Variants in ADAM7 observed in about 807,000 individuals in gnomAD.
ADAM7 encodes the protein ADAM metallopeptidase domain 7, also known as disintegrin and metalloproteinase domain-containing protein 7.
ADAM7 carries 97 observed loss-of-function variants against 102.9 expected under a neutral mutation model. The ratio of observed to expected loss-of-function variants is 0.94; its 90% CI spans 0.80 to 1.12. The LOEUF is 1.12. Among genes scored for constraint, ADAM7 ranks in the 50% most tolerant of loss-of-function variants. ADAM7 has a pLI of 0.00. For synonymous variants in ADAM7, 334 were observed against 304.4 expected (o/e 1.10, Z -1.01); for missense variants, 991 against 908.7 (o/e 1.09, Z -1.16).
intron 7 of ADAM7, among the ~76,000 whole-genome samples, chr8:24,475,476 C>G (rs1819736963): frequency 6.6e-6 from 1 of 151,756 alleles, no homozygotes; most frequent in African/African-American, 2.4e-5. Context: ...GAGAAGATGA[C>G]CAGAAAGGAA....
intron 16 of ADAM7, 56 bp from the exon 17 acceptor site, chr8:24,499,180 C>A (rs1820660972): frequency 2.2e-6 from 3 of 1,372,682 alleles, no homozygotes; most frequent in Middle Eastern, 1.9e-4. Context: ...CATGAAATTA[C>A]AATTTCACAT....
At chr8:24,500,704 G>C in intron 18 of ADAM7, 86 bp from the exon 19 acceptor site, 1 of 1,045,508 alleles carries the variant, frequency 9.6e-7, no homozygotes, top group Non-Finnish European at 1.4e-6. Flanking sequence ...GGAATAAGGA[G>C]CATTGTAACA....
At chr8:24,472,943 A>G (rs895752020) in intron 7 of ADAM7, among the ~76,000 whole-genome samples, 1 of 152,096 alleles carries the variant, frequency 6.6e-6, no homozygotes, top group East Asian at 1.9e-4. Flanking sequence ...TATTAAAAAT[A>G]TATGAAGAAC....
chr8:24,447,043 T>G (rs956525061), intron 2 of ADAM7, 143 bp from the exon 3 acceptor site: 2 of 441,084 alleles, frequency 4.5e-6, no homozygotes, highest in African/African-American at 4.0e-5. Flanking sequence ...CTCTTTCAAT[T>G]CATCTTTATC....
At chr8:24,465,009 T>A (rs1038151090) in intron 4 of ADAM7, among the ~76,000 whole-genome samples, 13 of 152,200 alleles carry the variant, frequency 8.5e-5, no homozygotes, top group African/African-American at 3.1e-4. Context: ...ATGGTCTCGA[T>A]CTCTTGACCT....
chr8:24,460,896 G>T (rs1319447244), intron 3 of ADAM7, among the ~76,000 whole-genome samples: 1 of 151,570 alleles, frequency 6.6e-6, no homozygotes, highest in African/African-American at 2.4e-5. Flanking sequence ...TTTGTTACAG[G>T]TTCAGTTTTT....
intron 2 of ADAM7, among the ~76,000 whole-genome samples, chr8:24,446,426 G>C (rs979540299): frequency 1.3e-5 from 2 of 152,054 alleles, no homozygotes; most frequent in Admixed American, 6.6e-5. Context: ...TTGATGGTGA[G>C]GTTCTAAACA....
intron 16 of ADAM7, 106 bp downstream of exon 16, chr8:24,493,335 A>G: frequency 1.0e-6 from 1 of 968,694 alleles, no homozygotes; most frequent in Admixed American, 3.7e-5. Flanking sequence ...TGGAAAAGGA[A>G]AAAATATTGA....
chr8:24,506,269 A>T (rs1820947998), intron 20 of ADAM7: 2 of 844,446 alleles, frequency 2.4e-6, no homozygotes, highest in Non-Finnish European at 3.7e-6. Context: ...TATAACATCG[A>T]TAGCTCTCTG....
chr8:24,467,213 A>T, intron 6 of ADAM7: 1 of 576,488 alleles, frequency 1.7e-6, no homozygotes. Context: ...CTACAATTCT[A>T]TGTATAGATT....
At chr8:24,497,433 C>A (rs1820597375) in intron 16 of ADAM7, among the ~76,000 whole-genome samples, 1 of 152,028 alleles carries the variant, frequency 6.6e-6, no homozygotes, top group Admixed American at 6.6e-5. Flanking sequence ...CTTCAAAGTA[C>A]AAACCATGAT....
intron 16 of ADAM7, among the ~76,000 whole-genome samples, chr8:24,496,215 G>T (rs1387734180): frequency 6.6e-6 from 1 of 152,234 alleles, no homozygotes; most frequent in Non-Finnish European, 1.5e-5. Flanking sequence ...GAGACTGCAG[G>T]TGCACAGAAG....
Position 24,441,076 on chromosome 8 carries a change from C to T in ADAM7, c.-33C>T. On this transcript the variant is annotated 5_prime_UTR_variant, in exon 1 of 22. Coordinates refer to ENST00000175238, the MANE Select transcript of ADAM7 (RefSeq NM_003817.4). ...AGAAAGGTGAACTCCTTTTCTCAAG[C>T]ACTTCTGCTCTCCTCTACCAGAATC... 1.9e-6 allele frequency: 3 copies of T among 1,597,690 alleles called. No homozygotes were observed. Among genetic ancestry groups the T allele is most frequent in the Non-Finnish European group, 2.6e-6 (3 of 1,165,378 alleles).
At chr8:24,485,488 G>T in intron 10 of ADAM7, 127 bp downstream of exon 10, 1 of 689,290 alleles carries the variant, frequency 1.5e-6, no homozygotes, top group South Asian at 2.6e-5. Flanking sequence ...GTCATGAACA[G>T]ACTGTTATGC....
chr8:24,489,733 C>T (rs59077364), intron 12 of ADAM7, among the ~76,000 whole-genome samples: 3 of 152,074 alleles, frequency 2.0e-5, no homozygotes, highest in Non-Finnish European at 4.4e-5. Context: ...CTGGACAGTT[C>T]CTGTTAATAG....
intron 13 of ADAM7, among the ~76,000 whole-genome samples, chr8:24,491,398 C>T (rs1396922128): frequency 6.6e-6 from 1 of 152,144 alleles, no homozygotes; most frequent in Non-Finnish European, 1.5e-5. Flanking sequence ...CAAATTCATC[C>T]AGAACCCAGC....
intron 1 of ADAM7, among the ~76,000 whole-genome samples, chr8:24,441,755 C>T (rs1043111894): frequency 2.6e-5 from 4 of 152,098 alleles, no homozygotes; most frequent in South Asian, 2.1e-4. Flanking sequence ...TACTTAACTA[C>T]GAAAGGTAAG....
In ADAM7 at chr8:24,447,405, A is replaced by C. The variant is rs75133371; in HGVS notation, c.233+143A>C. 2,331 of 436,674 alleles carry C rather than the reference A, an allele frequency of 5.3e-3. 49 individuals carry two copies. Among genetic ancestry groups the C allele is most frequent in the African/African-American group, 0.043 (2,126 of 49,082 alleles). 27.0% of individuals were successfully genotyped at this position (436,674 alleles called of 1,614,324 possible). A position where few individuals can be genotyped will look rare whatever the true frequency, so the allele number is the denominator to read the frequency against. On this transcript the variant is annotated intron_variant, in intron 3 of 21. Transcript: ENST00000175238. ...TTTCCTCTTCAAATAAAAGCTCTTCATGTGTAAGCCAATCACATCTCAAAA... is the reference window on the plus strand; with the variant it reads ...TTTCCTCTTCAAATAAAAGCTCTTCCTGTGTAAGCCAATCACATCTCAAAA...
At position 24,489,225 on chromosome 8, in the gene ADAM7, G is replaced by A; in HGVS notation, c.1158G>A (p.Lys386=). ...NQYHQYLKDY[K]PTCMLNIPFP... ...ACCACCAGTACTTGAAGGATTATAA[G>A]CCAACATGCATGCTCAACATTCCAT... Residue 386 remains lysine, a synonymous_variant, in exon 12 of 22, where the codon AAG becomes AAA. Transcript: ENST00000175238. The A allele has an allele frequency of 6.2e-7, 1 of 1,613,538 alleles. No individual in the cohort carries two copies. Among genetic ancestry groups the A allele is most frequent in the South Asian group, 1.1e-5 (1 of 91,008 alleles).
Sources: allele counts gnomAD v4.1 joint callset (sites outside exome capture counted in the v4.1 genomes callset), GRCh38; gene constraint gnomAD v4.1.1; transcripts MANE v1.5; gene names NCBI Gene and HGNC (gene_info 2026-07-23, HGNC 2026-07-21).